Variants in MEF2C observed in about 807,000 individuals in gnomAD.
The protein encoded by MEF2C is myocyte-specific enhancer factor 2C.
A neutral mutation model predicts 50.5 loss-of-function variants in MEF2C; 6 were observed. That is an observed-to-expected ratio of 0.12 (90% confidence interval 0.07 to 0.23). The LOEUF (loss-of-function observed/expected upper bound fraction) is 0.23. MEF2C is among the 10% of genes least tolerant of loss of function. The pLI is 1.00. For missense variants in MEF2C, 276 were observed against 605.0 expected (o/e 0.46, Z 5.70); for synonymous variants, 183 against 228.0 (o/e 0.80, Z 1.78).
At chr5:88,859,163 G>A (rs1440303689) in intron 1 of MEF2C, among the ~76,000 whole-genome samples, 2 of 152,178 alleles carry the variant, frequency 1.3e-5, no homozygotes, top group African/African-American at 4.8e-5. Flanking sequence ...GTGGGTTCAT[G>A]TGAGAAAATA....
intron 6 of MEF2C, chr5:88,737,943 G>A (rs1371009585): frequency 1.0e-6 from 1 of 985,216 alleles, no homozygotes; most frequent in Non-Finnish European, 1.2e-6. Context: ...GAACAATGAT[G>A]GCAGTGGAAA....
intron 3 of MEF2C, chr5:88,785,442 G>A (rs1415806284): frequency 6.6e-6 from 1 of 152,030 alleles, no homozygotes; most frequent in East Asian, 1.9e-4. Context: ...AAATCTGCTT[G>A]AGTGAAAATA....
At chr5:88,784,476 T>C (rs1789833771) in intron 3 of MEF2C, among the ~76,000 whole-genome samples, 1 of 152,234 alleles carries the variant, frequency 6.6e-6, no homozygotes, top group South Asian at 2.1e-4. Flanking sequence ...ATTTCATGTT[T>C]ATAAATGTTA....
chr5:88,839,179 T>C (rs1314999462), intron 1 of MEF2C: 1 of 152,164 alleles, frequency 6.6e-6, no homozygotes, highest in Non-Finnish European at 1.5e-5. Context: ...TTTCCTACTT[T>C]CATAGGCAGA....
chr5:88,829,645 A>G (rs62380365), intron 1 of MEF2C, among the ~76,000 whole-genome samples: 58 of 152,062 alleles, frequency 3.8e-4, no homozygotes, highest in Non-Finnish European at 7.6e-4. Context: ...CAGATTGATA[A>G]CCTCACTTAA....
intron 4 of MEF2C, among the ~76,000 whole-genome samples, chr5:88,753,490 G>A (rs1481583257): frequency 6.6e-6 from 1 of 152,194 alleles, no homozygotes; most frequent in East Asian, 1.9e-4. Context: ...CTGCCTATCT[G>A]GTTCAAGTGA....
At chr5:88,818,591 T>G (rs770216738) in intron 2 of MEF2C, among the ~76,000 whole-genome samples, 1 of 151,928 alleles carries the variant, frequency 6.6e-6, no homozygotes, top group Non-Finnish European at 1.5e-5. Flanking sequence ...AAGCATAACA[T>G]TTAGGAAACG....
intron 1 of MEF2C, among the ~76,000 whole-genome samples, chr5:88,874,262 T>TAGTTCAATACAAA (rs1830425730): frequency 6.6e-6 from 1 of 151,958 alleles, no homozygotes; most frequent in Non-Finnish European, 1.5e-5. Flanking sequence ...TCCATACATA[T>TAGTTCAATACAAA]GTTCAATAGT....
At chr5:88,878,265 G>A (rs186225295) in intron 1 of MEF2C, among the ~76,000 whole-genome samples, 1 of 152,052 alleles carries the variant, frequency 6.6e-6, no homozygotes, top group African/African-American at 2.4e-5. Context: ...TTTGTGTACA[G>A]GTATGTTGTA....
At chr5:88,882,025 A>G (rs926251312) in intron 1 of MEF2C, among the ~76,000 whole-genome samples, 3 of 152,220 alleles carry the variant, frequency 2.0e-5, no homozygotes, top group Admixed American at 1.3e-4. Context: ...AATGATAACT[A>G]CTGGACTTAG....
rs1167015139 is a variant in MEF2C at position 88,813,217 on chromosome 5, GT to G, written c.55-8417del. The stretch of plus-strand genomic sequence containing the variant: ...ACAAACTAGTTCTATATTTATGGAT[GT>G]TTATTTTAATTTCAGAAAATGGGAA... On this transcript the variant is annotated intron_variant, in intron 2 of 10. Coordinates refer to ENST00000504921, the MANE Select transcript of MEF2C (RefSeq NM_002397.5). 4.6e-5 allele frequency among the ~76,000 whole-genome samples: 7 copies of G among 151,962 alleles called. 1 individual carries two copies. Among genetic ancestry groups the G allele is most frequent in the African/African-American group, 1.7e-4 (7 of 41,378 alleles).
intron 1 of MEF2C, among the ~76,000 whole-genome samples, chr5:88,859,094 C>A (rs1824565110): frequency 6.6e-6 from 1 of 152,192 alleles, no homozygotes; most frequent in Admixed American, 6.5e-5. Flanking sequence ...TGTATTACAA[C>A]ATCCATATGG....
chr5:88,876,321 T>C (rs565599749), intron 1 of MEF2C, among the ~76,000 whole-genome samples: 4 of 152,082 alleles, frequency 2.6e-5, no homozygotes, highest in Non-Finnish European at 5.9e-5. Context: ...TGCAATTAGG[T>C]AGTCGGTCCT....
intron 3 of MEF2C, among the ~76,000 whole-genome samples, chr5:88,803,175 T>A (rs1412623633): frequency 2.0e-5 from 3 of 152,196 alleles, no homozygotes; most frequent in African/African-American, 7.2e-5. Context: ...AATTTCAAGA[T>A]CAAGGCAAGC....
At chr5:88,862,358 A>G (rs548031511) in intron 1 of MEF2C, among the ~76,000 whole-genome samples, 1 of 152,312 alleles carries the variant, frequency 6.6e-6, no homozygotes, top group East Asian at 1.9e-4. Flanking sequence ...GTTTGGCAAC[A>G]TAGGAGGGAC....
rs1243733121 is a variant in MEF2C at position 88,751,114 on chromosome 5, C to G, written c.589+743G>C. 4.1e-6 allele frequency: 4 copies of G among 982,738 alleles called. No individual in the cohort carries two copies. The African/African-American group carries it at 7.0e-5, about 17-fold the overall frequency. 60.9% of individuals were successfully genotyped at this position (982,738 alleles called of 1,614,324 possible). ...AGAGAACATTCTTCCCTTAAATGTT[C>G]TTTAAATCCAGTATCAAAATAGACA... On this transcript the variant is annotated intron_variant, in intron 5 of 10. Transcript: ENST00000504921.
rs1288112155 is a variant in MEF2C, at chr5:88,747,626, GGCGTGA to G, written c.637+1438_637+1443del. Among the ~76,000 whole-genome samples, 11 of 24,992 alleles carry G rather than the reference GGCGTGA, an allele frequency of 4.4e-4. 3 individuals carry two copies. Among genetic ancestry groups the G allele is most frequent in the East Asian group, 1.4e-3 (1 of 734 alleles). 16.4% of individuals were successfully genotyped at this position (24,992 alleles called of 152,430 possible). ...GGCCTCCCAAAGTGCTGGGATTACA[GGCGTGA>G]GCCACCGCGCCCGGCCCTTTTTTAC... On this transcript the variant is annotated intron_variant, in intron 6 of 10. Coordinates refer to ENST00000504921, the MANE Select transcript of MEF2C (RefSeq NM_002397.5).
At chr5:88,834,836 A>C (rs1814443419) in intron 1 of MEF2C, among the ~76,000 whole-genome samples, 1 of 152,190 alleles carries the variant, frequency 6.6e-6, no homozygotes, top group Non-Finnish European at 1.5e-5. Flanking sequence ...CAACATACAC[A>C]TTCTATTATG....
chr5:88,799,871 C>CTCAT (rs1562105181), intron 3 of MEF2C, among the ~76,000 whole-genome samples: 4 of 51,212 alleles, frequency 7.8e-5, no homozygotes, highest in South Asian at 7.4e-4. Context: ...CTCTCTCTCT[C>CTCAT]ACACACACAC....
Sources: gnomAD v4.1 joint callset for allele counts (sites outside exome capture counted in the v4.1 genomes callset) on GRCh38, gnomAD v4.1.1 for gene constraint, MANE v1.5 for transcripts, NCBI Gene and HGNC (gene_info 2026-07-23, HGNC 2026-07-21) for gene names.